HS6ST3: variants seen among roughly 807,000 people sequenced by gnomAD.
HS6ST3 encodes heparan sulfate 6-O-sulfotransferase 3.
In HS6ST3, 12 loss-of-function variants were observed where a neutral mutation model predicts 36.7. The observed-to-expected ratio is 0.33, with a 90% confidence interval of 0.21 to 0.53. The LOEUF is 0.53. HS6ST3 is among the 20% of genes least tolerant of loss of function. HS6ST3 has a pLI of 0.95. For missense variants in HS6ST3, 584 were observed against 640.9 expected (o/e 0.91, Z 0.96); for synonymous variants, 240 against 257.5 (o/e 0.93, Z 0.65).
intron 1 of HS6ST3, among the ~76,000 whole-genome samples, chr13:96,622,242 G>C (rs1047642018): frequency 6.6e-6 from 1 of 152,038 alleles, no homozygotes; most frequent in Admixed American, 6.5e-5. Flanking sequence ...TTTTTGATAG[G>C]TTATGATTTT....
At chr13:96,115,110 G>A (rs1353785020) in intron 1 of HS6ST3, among the ~76,000 whole-genome samples, 4 of 152,120 alleles carry the variant, frequency 2.6e-5, no homozygotes, top group Non-Finnish European at 5.9e-5. Flanking sequence ...CATGGTTAAG[G>A]GGTCATTCTG....
Position 96,834,680 on chromosome 13 carries a change from C to T in HS6ST3, c.*1482C>T, listed in dbSNP as rs1178270471. ...GAGCTGAAGGCAAAATGTGTAAAAC[C>T]CCTAAATCAGATTGAAAAGCCTATT... On this transcript the variant is annotated 3_prime_UTR_variant, in exon 2 of 2. Coordinates refer to ENST00000376705, the MANE Select transcript of HS6ST3 (RefSeq NM_153456.4). The T allele has an allele frequency of 6.6e-6, 1 of 152,510 alleles. No individual in the cohort carries two copies. The highest frequency in any genetic ancestry group is 1.5e-5 in the Non-Finnish European group (1 of 68,016). 9.4% of individuals were successfully genotyped at this position (152,510 alleles called of 1,614,324 possible). A position where few individuals can be genotyped will look rare whatever the true frequency, so the allele number is the denominator to read the frequency against.
At chr13:96,731,101 A>C (rs1370532355) in intron 1 of HS6ST3, among the ~76,000 whole-genome samples, 1 of 152,236 alleles carries the variant, frequency 6.6e-6, no homozygotes, top group African/African-American at 2.4e-5. Flanking sequence ...AGAACACTTA[A>C]CATCCACTCT....
At chr13:96,154,213 A>G (rs755102466) in intron 1 of HS6ST3, among the ~76,000 whole-genome samples, 2 of 152,160 alleles carry the variant, frequency 1.3e-5, no homozygotes, top group Admixed American at 6.5e-5. Flanking sequence ...TGGCAGACTC[A>G]TCAGTTTTAT....
At chr13:96,094,525 C>T (rs2053780636) in intron 1 of HS6ST3, among the ~76,000 whole-genome samples, 1 of 152,112 alleles carries the variant, frequency 6.6e-6, no homozygotes, top group African/African-American at 2.4e-5. Flanking sequence ...GGACATCAGT[C>T]TTTGCAGGGG....
At chr13:96,127,960 A>C (rs1056542310) in intron 1 of HS6ST3, among the ~76,000 whole-genome samples, 15 of 152,198 alleles carry the variant, frequency 9.9e-5, no homozygotes, top group African/African-American at 3.6e-4. Context: ...TACCCACTGC[A>C]ACAGAATCAC....
chr13:96,508,055 A>G (rs2056033704), intron 1 of HS6ST3, among the ~76,000 whole-genome samples: 1 of 151,896 alleles, frequency 6.6e-6, no homozygotes, highest in Non-Finnish European at 1.5e-5. Flanking sequence ...TTACCTATTG[A>G]CTCTCTGCTG....
intron 1 of HS6ST3, among the ~76,000 whole-genome samples, chr13:96,426,520 G>A (rs941756362): frequency 6.6e-6 from 1 of 152,130 alleles, no homozygotes; most frequent in Non-Finnish European, 1.5e-5. Flanking sequence ...GTAGGAAAAT[G>A]TTTATTTTCA....
At chr13:96,418,429 TG>T (rs1185425881) in intron 1 of HS6ST3, among the ~76,000 whole-genome samples, 1 of 152,206 alleles carries the variant, frequency 6.6e-6, no homozygotes, top group Non-Finnish European at 1.5e-5. Flanking sequence ...TATGTTAAAT[TG>T]TGCCTTCTGT....
At chr13:96,563,006 C>T (rs2056267934) in intron 1 of HS6ST3, among the ~76,000 whole-genome samples, 1 of 144,018 alleles carries the variant, frequency 6.9e-6, no homozygotes, top group African/African-American at 2.7e-5. Context: ...GAAAGTAGGC[C>T]TAGACTGAGC....
At chr13:96,749,439 C>T (rs535895100) in intron 1 of HS6ST3, among the ~76,000 whole-genome samples, 89 of 151,980 alleles carry the variant, frequency 5.9e-4, no homozygotes, top group Non-Finnish European at 1.0e-3. Flanking sequence ...ATTAATTTTG[C>T]TAATATTTTA....
At chr13:96,475,785 G>A (rs1334846719) in intron 1 of HS6ST3, among the ~76,000 whole-genome samples, 1 of 152,124 alleles carries the variant, frequency 6.6e-6, no homozygotes, top group Non-Finnish European at 1.5e-5. Context: ...TAAACCTGAT[G>A]AGTCACCATA....
chr13:96,642,996 C>T (rs1183007926), intron 1 of HS6ST3, among the ~76,000 whole-genome samples: 3 of 151,948 alleles, frequency 2.0e-5, no homozygotes, highest in Non-Finnish European at 4.4e-5. Context: ...GAAAACCACA[C>T]ATTTTAGCTA....
intron 1 of HS6ST3, among the ~76,000 whole-genome samples, chr13:96,291,944 C>T (rs76852056): frequency 0.036 from 5,541 of 152,094 alleles, 363 homozygotes; most frequent in African/African-American, 0.13. Flanking sequence ...TTGTCAAACT[C>T]GTGTTCCATA....
chr13:96,712,222 G>A (rs1875579796), intron 1 of HS6ST3, among the ~76,000 whole-genome samples: 1 of 152,186 alleles, frequency 6.6e-6, no homozygotes, highest in Non-Finnish European at 1.5e-5. Flanking sequence ...GGTTCATGAA[G>A]AATGGTTGAA....
chr13:96,375,632 T>C (rs1361491262), intron 1 of HS6ST3, among the ~76,000 whole-genome samples: 1 of 152,176 alleles, frequency 6.6e-6, no homozygotes, highest in Non-Finnish European at 1.5e-5. Context: ...TTATTTGTCT[T>C]TATTGCTTAT....
At position 96,835,632 on chromosome 13, in the gene HS6ST3, C is replaced by CACACACACACACAA; in HGVS notation, c.*2437_*2438insCACACACACAAACA. 1 of 152,300 alleles carries CACACACACACACAA rather than the reference C, an allele frequency of 6.6e-6. No homozygotes were observed. The highest frequency in any genetic ancestry group is 2.4e-5 in the African/African-American group (1 of 41,462). 9.4% of individuals were successfully genotyped at this position (152,300 alleles called of 1,614,324 possible). On this transcript the variant is annotated 3_prime_UTR_variant, in exon 2 of 2. Coordinates refer to ENST00000376705, the MANE Select transcript of HS6ST3 (RefSeq NM_153456.4). ...ACACACACACACACACACACACACA[C>CACACACACACACAA]ACAAACAATCCAGTGTTTTGTCATG...
At chr13:96,798,302 T>C (rs951651792) in intron 1 of HS6ST3, among the ~76,000 whole-genome samples, 10 of 152,004 alleles carry the variant, frequency 6.6e-5, no homozygotes, top group African/African-American at 1.2e-4. Context: ...ATGGGCCCAA[T>C]TGATGAAACC....
At chr13:96,127,742 C>T (rs1436805409) in intron 1 of HS6ST3, among the ~76,000 whole-genome samples, 1 of 152,174 alleles carries the variant, frequency 6.6e-6, no homozygotes, top group Non-Finnish European at 1.5e-5. Context: ...TAGTTCTGCT[C>T]TTATTCTAGG....
Sources: gnomAD v4.1 joint callset for allele counts (sites outside exome capture counted in the v4.1 genomes callset) on GRCh38, gnomAD v4.1.1 for gene constraint, MANE v1.5 for transcripts, NCBI Gene and HGNC (gene_info 2026-07-23, HGNC 2026-07-21) for gene names.